The following CALN1 variants were observed in gnomAD, a reference collection of about 807,000 sequenced individuals.
CALN1 encodes calneuron 1.
A neutral mutation model predicts 30.6 loss-of-function variants in CALN1; 17 were observed. That is an observed-to-expected ratio of 0.56 (90% CI 0.38 to 0.83). The LOEUF (loss-of-function observed/expected upper bound fraction) is 0.83. Ranked by LOEUF, CALN1 falls within the 40% of genes least tolerant of loss-of-function variation. The probability of loss-of-function intolerance (pLI) is 0.00; values close to 1 mark genes in which losing one functional copy is unlikely to be tolerated. For missense variants in CALN1, 291 were observed against 354.9 expected (o/e 0.82, Z 1.45); for synonymous variants, 156 against 131.4 (o/e 1.19, Z -1.28).
chr7:72,007,182 C>T (rs1490372662), intron 5 of CALN1, among the ~76,000 whole-genome samples: 1 of 152,198 alleles, frequency 6.6e-6, no homozygotes, highest in Non-Finnish European at 1.5e-5. Context: ...TGGCACGTGA[C>T]TGACTTCCAC....
intron 4 of CALN1, among the ~76,000 whole-genome samples, chr7:72,062,704 T>C (rs368934893): frequency 2.6e-5 from 4 of 152,214 alleles, no homozygotes; most frequent in African/African-American, 9.6e-5. Context: ...TAGGTTGATA[T>C]AACATCTAAA....
chr7:72,180,536 T>G (rs923981350), intron 3 of CALN1, among the ~76,000 whole-genome samples: 1 of 151,960 alleles, frequency 6.6e-6, no homozygotes, highest in Non-Finnish European at 1.5e-5. Context: ...TTTTTTTTTT[T>G]TTTTTAATCA....
intron 3 of CALN1, among the ~76,000 whole-genome samples, chr7:72,133,812 T>C (rs1200683066): frequency 1.3e-5 from 2 of 152,214 alleles, no homozygotes; most frequent in Non-Finnish European, 1.5e-5. Flanking sequence ...CTGCAAAAGC[T>C]GTATAACTTA....
intron 3 of CALN1, among the ~76,000 whole-genome samples, chr7:72,272,381 G>T (rs1797056010): frequency 6.6e-6 from 1 of 152,072 alleles, no homozygotes. Context: ...GGCCAACATG[G>T]CAAAAACCCA....
At chr7:72,448,518 A>T (rs1350492934), upstream of CALN1, among the ~76,000 whole-genome samples, 1 of 151,818 alleles carries the variant, frequency 6.6e-6, no homozygotes, top group Non-Finnish European at 1.5e-5. Flanking sequence ...GCCACACCTC[A>T]TCCTCACAAT....
intron 2 of CALN1, among the ~76,000 whole-genome samples, chr7:72,286,555 C>T (rs1426143105): frequency 6.6e-6 from 1 of 152,204 alleles, no homozygotes; most frequent in Non-Finnish European, 1.5e-5. Flanking sequence ...TGTTCAACAG[C>T]TACATGGTGG....
chr7:71,937,016 A>G (rs185558683), intron 5 of CALN1, among the ~76,000 whole-genome samples: 7 of 152,094 alleles, frequency 4.6e-5, no homozygotes, highest in Non-Finnish European at 5.9e-5. Context: ...GTCCAATTAA[A>G]CCTCTTTTTC....
chr7:72,285,482 A>T (rs1798026618), intron 2 of CALN1, among the ~76,000 whole-genome samples: 1 of 152,146 alleles, frequency 6.6e-6, no homozygotes, highest in Non-Finnish European at 1.5e-5. Flanking sequence ...TGACCTTGTG[A>T]TCTGCCCGCC....
intron 2 of CALN1, among the ~76,000 whole-genome samples, chr7:72,365,025 C>A (rs1441819108): frequency 6.6e-6 from 1 of 152,022 alleles, no homozygotes; most frequent in Non-Finnish European, 1.5e-5. Flanking sequence ...TAAAAATTAG[C>A]CGGGCGTGGT....
intron 2 of CALN1, among the ~76,000 whole-genome samples, chr7:72,397,555 C>T (rs2129561785): frequency 6.6e-6 from 1 of 152,168 alleles, no homozygotes; most frequent in Middle Eastern, 3.4e-3. Flanking sequence ...AAGCAGGTCA[C>T]AGCAATGAGG....
At chr7:72,197,236 G>A (rs1791089710) in intron 3 of CALN1, among the ~76,000 whole-genome samples, 1 of 123,828 alleles carries the variant, frequency 8.1e-6, no homozygotes, top group Non-Finnish European at 1.6e-5. Context: ...CCAGACTGGA[G>A]TGCAGTGGCA....
Position 71,833,234 on chromosome 7 carries a change from C to T in CALN1, c.502-22742G>A, listed in dbSNP as rs1584325938. Among the ~76,000 whole-genome samples the T allele has an allele frequency of 2.0e-5, 3 of 152,264 alleles. No homozygotes were observed. In the South Asian group the frequency reaches 6.2e-4, roughly 32 times the overall value. ...AGCACTTGCAACGGTGTGTGAGAAT[C>T]GCCTGCTGACATTTTTGTTCTGTCC... On this transcript the variant is annotated intron_variant, in intron 5 of 6. Transcript: ENST00000395275.
At chr7:72,392,339 G>A (rs908246718) in intron 2 of CALN1, among the ~76,000 whole-genome samples, 3 of 152,174 alleles carry the variant, frequency 2.0e-5, no homozygotes, top group Non-Finnish European at 4.4e-5. Flanking sequence ...ATGGTTGTTG[G>A]TTTATCCCCC....
At chr7:72,216,756 G>GT (rs758530415) in intron 3 of CALN1, among the ~76,000 whole-genome samples, 1 of 152,156 alleles carries the variant, frequency 6.6e-6, no homozygotes, top group Non-Finnish European at 1.5e-5. Context: ...TCACAGCATT[G>GT]TTTTTTGGTG....
intron 2 of CALN1, among the ~76,000 whole-genome samples, chr7:72,325,426 C>A (rs1224660697): frequency 6.6e-6 from 1 of 152,036 alleles, no homozygotes; most frequent in African/African-American, 2.4e-5. Context: ...CATAGGGAAA[C>A]CCTGTCTCTA....
chr7:72,071,990 GA>G (rs554814888), intron 4 of CALN1, among the ~76,000 whole-genome samples: 1 of 152,158 alleles, frequency 6.6e-6, no homozygotes, highest in South Asian at 2.1e-4. Context: ...AGAGCAGAAG[GA>G]AAAAAAGACT....
At chr7:72,268,793 C>CCACACACACAAACACACACACACACAAA (rs56386718) in intron 3 of CALN1, among the ~76,000 whole-genome samples, 1 of 145,834 alleles carries the variant, frequency 6.9e-6, no homozygotes, top group Non-Finnish European at 1.5e-5. Context: ...CAAGACCCTG[C>CCACACACACAAACACACACACACACAAA]CACACACACA....
chr7:71,945,836 G>T (rs1037512650), intron 5 of CALN1, among the ~76,000 whole-genome samples: 1 of 152,200 alleles, frequency 6.6e-6, no homozygotes, highest in African/African-American at 2.4e-5. Flanking sequence ...CATAATAAAT[G>T]TAATGTGGTT....
chr7:72,101,674 G>T (rs1806677778), intron 4 of CALN1, among the ~76,000 whole-genome samples: 1 of 152,154 alleles, frequency 6.6e-6, no homozygotes, highest in South Asian at 2.1e-4. Context: ...AACAAGTCCG[G>T]CAAGATAACA....
Sources: allele counts gnomAD v4.1 joint callset (sites outside exome capture counted in the v4.1 genomes callset), GRCh38; gene constraint gnomAD v4.1.1; transcripts MANE v1.5; gene names NCBI Gene and HGNC (gene_info 2026-07-23, HGNC 2026-07-21).